The following DUSP22 variants were observed in gnomAD, a reference collection of about 807,000 sequenced individuals.
DUSP22 encodes dual specificity protein phosphatase 22.
A neutral mutation model predicts 24.5 loss-of-function variants in DUSP22; 24 were observed. The ratio of observed to expected loss-of-function variants is 0.98; its 90% confidence interval spans 0.71 to 1.38. DUSP22 has a LOEUF of 1.38. DUSP22 is among the 40% of genes most tolerant of loss of function. The pLI is 0.00. For synonymous variants in DUSP22, 160 were observed against 106.4 expected (o/e 1.50, Z -3.10); for missense variants, 330 against 269.2 (o/e 1.23, Z -1.58).
chr6:301,251 CCCAAGGG>C (rs11278413), intron 1 of DUSP22, among the ~76,000 whole-genome samples: 15,721 of 146,756 alleles, frequency 0.11, 46 homozygotes, highest in East Asian at 0.29. Flanking sequence ...TTCGAGCATA[CCCAAGGG>C]ATAAAGGACC....
intron 5 of DUSP22, among the ~76,000 whole-genome samples, chr6:346,492 G>A (rs537526423): frequency 8.5e-5 from 13 of 152,382 alleles, no homozygotes; most frequent in Admixed American, 2.0e-4. Flanking sequence ...CGCTTAACCC[G>A]AGGATGATGC....
intron 3 of DUSP22, among the ~76,000 whole-genome samples, chr6:328,522 A>G (rs1758990723): frequency 6.6e-6 from 1 of 152,298 alleles, no homozygotes; most frequent in South Asian, 2.1e-4. Flanking sequence ...TCTCATTTGC[A>G]TGTTGTCTCA....
chr6:319,019 G>A (rs1318783760), intron 3 of DUSP22, among the ~76,000 whole-genome samples: 4 of 152,216 alleles, frequency 2.6e-5, no homozygotes, highest in African/African-American at 9.6e-5. Flanking sequence ...TTATATGCAT[G>A]ATAATGCACA....
In DUSP22 at chr6:348,158, A is replaced by G. The variant is rs753706972; in HGVS notation, c.319A>G (p.Thr107Ala). Reference sequence around the variant, plus strand: ...GGTGATCGCATACATCATGACCGTCACTGACTTTGGCTGGGAGGATGCCCT... The same window carrying G: ...GGTGATCGCATACATCATGACCGTCGCTGACTTTGGCTGGGAGGATGCCCT... ...TLVIAYIMTV[T>A]DFGWEDALHT... The change falls in exon 6 of 7, where the codon ACT becomes GCT. Residue 107 changes from threonine to alanine, a missense_variant. Coordinates refer to ENST00000419235, the MANE Select transcript of DUSP22 (RefSeq NM_001286555.3). 1.2e-6 allele frequency: 2 copies of G among 1,614,188 alleles called. No homozygotes were observed. The highest frequency in any genetic ancestry group is 1.7e-6 in the Non-Finnish European group (2 of 1,180,062).
chr6:324,382 C>T (rs548861329), intron 3 of DUSP22, among the ~76,000 whole-genome samples: 3 of 152,418 alleles, frequency 2.0e-5, no homozygotes, highest in South Asian at 2.1e-4. Flanking sequence ...ACACGCTCTC[C>T]CACCCACACC....
chr6:306,135 A>T (rs1757805426), intron 2 of DUSP22, among the ~76,000 whole-genome samples: 1 of 152,308 alleles, frequency 6.6e-6, no homozygotes, highest in South Asian at 2.1e-4. Context: ...GTAGGCCAGG[A>T]TACATTAATG....
intron 3 of DUSP22, among the ~76,000 whole-genome samples, chr6:314,593 G>A (rs1758259613): frequency 6.6e-6 from 1 of 152,304 alleles, no homozygotes; most frequent in Admixed American, 6.5e-5. Flanking sequence ...GTTGGATGTG[G>A]CCATGCAAGT....
intron 1 of DUSP22, among the ~76,000 whole-genome samples, chr6:297,861 T>A (rs367891143): frequency 6.6e-6 from 1 of 152,288 alleles, no homozygotes; most frequent in African/African-American, 2.4e-5. Context: ...AGCAGGTGAC[T>A]TGGCTGCCTG....
chr6:329,829 T>C (rs1353109216), intron 3 of DUSP22, among the ~76,000 whole-genome samples: 1 of 152,292 alleles, frequency 6.6e-6, no homozygotes, highest in East Asian at 1.9e-4. Flanking sequence ...AGTCTTCTGC[T>C]GTGTGTGTTT....
At chr6:317,009 A>G (rs1254599154) in intron 3 of DUSP22, among the ~76,000 whole-genome samples, 1 of 152,306 alleles carries the variant, frequency 6.6e-6, no homozygotes, top group African/African-American at 2.4e-5. Flanking sequence ...GGATGTTTTC[A>G]TATGCAGACA....
intron 1 of DUSP22, among the ~76,000 whole-genome samples, chr6:304,021 C>T (rs528818700): frequency 6.6e-6 from 1 of 152,306 alleles, no homozygotes; most frequent in African/African-American, 2.4e-5. Context: ...TTTAACAACC[C>T]ATTGTTGACT....
intron 3 of DUSP22, among the ~76,000 whole-genome samples, chr6:331,502 T>A (rs1276640541): frequency 6.6e-6 from 1 of 152,310 alleles, no homozygotes; most frequent in Non-Finnish European, 1.5e-5. Flanking sequence ...TTATTTCTAT[T>A]TCTGTAAACT....
chr6:342,965 A>G (rs1318973645), intron 4 of DUSP22, among the ~76,000 whole-genome samples: 2 of 152,300 alleles, frequency 1.3e-5, no homozygotes, highest in Non-Finnish European at 2.9e-5. Flanking sequence ...AGGTGTGGGG[A>G]GCTCCCAGCT....
intron 3 of DUSP22, among the ~76,000 whole-genome samples, chr6:314,275 T>C (rs1002127672): frequency 6.6e-6 from 1 of 152,292 alleles, no homozygotes; most frequent in Admixed American, 6.5e-5. Context: ...ACCATACGTA[T>C]TTATTGAATG....
intron 2 of DUSP22, among the ~76,000 whole-genome samples, chr6:311,357 T>C (rs1262630229): frequency 6.6e-6 from 1 of 152,306 alleles, no homozygotes; most frequent in East Asian, 1.9e-4. Flanking sequence ...TCTTTCTCAC[T>C]CTGGGTCAAA....
intron 3 of DUSP22, among the ~76,000 whole-genome samples, chr6:323,628 G>C (rs1477504660): frequency 6.6e-6 from 1 of 152,304 alleles, no homozygotes. Context: ...GGCTCTTAGG[G>C]CGTCCCTTTG....
intron 4 of DUSP22, chr6:338,016 G>A (rs1433476356): frequency 6.6e-6 from 1 of 152,530 alleles, no homozygotes; most frequent in Non-Finnish European, 1.5e-5. Flanking sequence ...ACTCTCCAGT[G>A]AAGCTACGAC....
In DUSP22 at chr6:301,208, A is replaced by G. The variant is rs1230990384; in HGVS notation, c.22-3420A>G. Among the ~76,000 whole-genome samples, 11 of 152,280 alleles carry G rather than the reference A, an allele frequency of 7.2e-5. No individual in the cohort carries two copies. The East Asian group carries it at 1.5e-3, about 21-fold the overall frequency. On this transcript the variant is annotated intron_variant, in intron 1 of 6. Transcript: ENST00000419235. The stretch of plus-strand genomic sequence containing the variant: ...AAGGGTTTCAGAGACTGGAAAACCA[A>G]TAAGATAAATGGCCATTACAGGGTT...
At chr6:345,683 G>A (rs929785708) in intron 4 of DUSP22, among the ~76,000 whole-genome samples, 171 bp from the exon 5 acceptor site, 15 of 152,416 alleles carry the variant, frequency 9.8e-5, no homozygotes, top group African/African-American at 3.6e-4. Flanking sequence ...ATTATACAAT[G>A]TATACATGCA....
Sources: gnomAD v4.1 joint callset for allele counts (sites outside exome capture counted in the v4.1 genomes callset) on GRCh38, gnomAD v4.1.1 for gene constraint, MANE v1.5 for transcripts, NCBI Gene and HGNC (gene_info 2026-07-23, HGNC 2026-07-21) for gene names.